The following EBF4 variants were observed in gnomAD, a reference collection of about 807,000 sequenced individuals.
EBF4 encodes transcription factor COE4.
EBF4 carries 34 observed loss-of-function variants against 67.1 expected under a neutral mutation model. The ratio of observed to expected loss-of-function variants is 0.51; its 90% CI spans 0.39 to 0.67. The LOEUF is 0.67. EBF4 is among the 30% of genes least tolerant of loss of function. The pLI, the probability that EBF4 is intolerant of heterozygous loss-of-function variation, is 0.00. For missense variants in EBF4, 837 were observed against 873.3 expected (o/e 0.96, Z 0.52); for synonymous variants, 387 against 377.7 (o/e 1.02, Z -0.29).
intron 14 of EBF4, among the ~76,000 whole-genome samples, chr20:2,753,426 T>C (rs535557366): frequency 6.6e-6 from 1 of 152,374 alleles, no homozygotes; most frequent in South Asian, 2.1e-4. Flanking sequence ...AAGTTCCAGA[T>C]CAGCATGTTC....
intron 6 of EBF4, among the ~76,000 whole-genome samples, chr20:2,713,348 G>A (rs1050922310): frequency 6.6e-6 from 1 of 152,140 alleles, no homozygotes; most frequent in Non-Finnish European, 1.5e-5. Context: ...TATCCAAGTG[G>A]GAGCTTGGAT....
In EBF4 at chr20:2,705,959, A is replaced by G. The variant is rs773329065; in HGVS notation, c.295-15A>G. On this transcript the variant is annotated splice_polypyrimidine_tract_variant and intron_variant, in intron 2 of 16. Coordinates refer to ENST00000609451, the Ensembl canonical transcript of EBF4. ...TCCCTGAGCACCCGAGCATCCTCCC[A>G]TCTTGTCCCTGCAGGAGCCCGGGGC... The G allele has an allele frequency of 5.8e-6, 9 of 1,550,682 alleles. No individual in the cohort carries two copies. Among genetic ancestry groups the G allele is most frequent in the African/African-American group, 2.7e-5 (2 of 73,048 alleles).
intron 1 of EBF4, among the ~76,000 whole-genome samples, chr20:2,699,708 T>A (rs1351773439): frequency 1.3e-5 from 2 of 152,276 alleles, no homozygotes; most frequent in African/African-American, 4.8e-5. Flanking sequence ...AAGGCGTTTA[T>A]GTGGCATGGT....
chr20:2,703,677 G>A (rs1413073189), intron 1 of EBF4, among the ~76,000 whole-genome samples: 7 of 151,932 alleles, frequency 4.6e-5, no homozygotes, highest in Admixed American at 2.6e-4. Flanking sequence ...AAAAAAAGGC[G>A]GGGCAGGTCT....
intron 6 of EBF4, among the ~76,000 whole-genome samples, chr20:2,729,999 C>T (rs936837014): frequency 6.6e-6 from 1 of 152,198 alleles, no homozygotes; most frequent in Non-Finnish European, 1.5e-5. Context: ...TTTGGCAGCT[C>T]TTTGAGAGCA....
chr20:2,743,327 C>T (rs746145721), intron 6 of EBF4, among the ~76,000 whole-genome samples: 3 of 152,198 alleles, frequency 2.0e-5, no homozygotes, highest in Non-Finnish European at 4.4e-5. Context: ...TCTCTAGGTC[C>T]AGGGGAGAGC....
intron 5 of EBF4, among the ~76,000 whole-genome samples, chr20:2,708,356 G>A (rs1335429327): frequency 6.6e-6 from 1 of 152,212 alleles, no homozygotes; most frequent in Non-Finnish European, 1.5e-5. Flanking sequence ...AAGGCCTCTG[G>A]GATTAGCTCA....
At chr20:2,734,921 C>T (rs1312731217) in intron 6 of EBF4, among the ~76,000 whole-genome samples, 1 of 152,148 alleles carries the variant, frequency 6.6e-6, no homozygotes, top group Non-Finnish European at 1.5e-5. Flanking sequence ...CTTTCCATGC[C>T]TTTTTTGGGC....
At chr20:2,705,795 ACACACACAC>A (rs2087447221) in intron 2 of EBF4, 62 bp downstream of exon 2, 2 of 835,118 alleles carry the variant, frequency 2.4e-6, no homozygotes, top group African/African-American at 9.8e-5. Flanking sequence ...CCACACACAC[ACACACACAC>A]ACACACACAC....
chr20:2,754,664 T>G (rs923407076), intron 14 of EBF4, among the ~76,000 whole-genome samples: 1 of 152,156 alleles, frequency 6.6e-6, no homozygotes, highest in African/African-American at 2.4e-5. Flanking sequence ...CCCCACTGCC[T>G]GCTGCCTGGA....
intron 6 of EBF4, among the ~76,000 whole-genome samples, chr20:2,719,879 A>G (rs2087657477): frequency 1.3e-5 from 2 of 152,318 alleles, no homozygotes; most frequent in East Asian, 3.9e-4. Context: ...ATTGCGTGAA[A>G]TGTTCTATAA....
At chr20:2,723,121 G>A (rs2087703770) in intron 6 of EBF4, among the ~76,000 whole-genome samples, 1 of 152,108 alleles carries the variant, frequency 6.6e-6, no homozygotes, top group Non-Finnish European at 1.5e-5. Context: ...ATTGTGGACA[G>A]GCTTTTAAAA....
intron 6 of EBF4, among the ~76,000 whole-genome samples, chr20:2,710,068 T>C (rs1431334247): frequency 6.6e-6 from 1 of 152,138 alleles, no homozygotes. Flanking sequence ...ACTGGAAAAG[T>C]GGGGAAAGAG....
chr20:2,744,090 T>G (rs1162002165), intron 6 of EBF4, among the ~76,000 whole-genome samples: 1 of 151,460 alleles, frequency 6.6e-6, no homozygotes, highest in Non-Finnish European at 1.5e-5. Flanking sequence ...TTTTATTTTT[T>G]TTTTTTTGAG....
chr20:2,706,658 C>T (rs1166196950), intron 4 of EBF4, among the ~76,000 whole-genome samples: 3 of 152,118 alleles, frequency 2.0e-5, no homozygotes, highest in Non-Finnish European at 2.9e-5. Flanking sequence ...AAGCAAGTAC[C>T]AGGATTTTGC....
At chr20:2,749,224 T>TC (rs749451671) in intron 7 of EBF4, among the ~76,000 whole-genome samples, 177 bp from the exon 8 acceptor site, 5 of 152,136 alleles carry the variant, frequency 3.3e-5, no homozygotes, top group Non-Finnish European at 5.9e-5. Flanking sequence ...TATCACCTGA[T>TC]CCAGCTGGCC....
intron 1 of EBF4, 41 bp from the exon 2 acceptor site, chr20:2,705,536 G>C (rs1466507803): frequency 6.4e-7 from 1 of 1,551,442 alleles, no homozygotes; most frequent in Non-Finnish European, 8.7e-7. Context: ...TTTCTCACTG[G>C]GGGGCCTTCC....
At chr20:2,711,111 GCAC>G (rs764593136) in intron 6 of EBF4, among the ~76,000 whole-genome samples, 192 of 151,676 alleles carry the variant, frequency 1.3e-3, no homozygotes, top group South Asian at 2.9e-3. Flanking sequence ...TTGTGCCACT[GCAC>G]TCCAGTCTGG....
intron 8 of EBF4, 34 bp downstream of exon 8, chr20:2,749,552 G>T (rs1004055121): frequency 1.4e-5 from 22 of 1,537,680 alleles, no homozygotes; most frequent in Non-Finnish European, 1.9e-5. Flanking sequence ...GGCCGCCGCG[G>T]GCCCAGCCAG....
Sources: allele counts gnomAD v4.1 joint callset (sites outside exome capture counted in the v4.1 genomes callset), GRCh38; gene constraint gnomAD v4.1.1; transcripts MANE v1.5; gene names NCBI Gene and HGNC (gene_info 2026-07-23, HGNC 2026-07-21).